The following TBCK variants were observed in gnomAD, a reference collection of about 807,000 sequenced individuals.
The protein encoded by TBCK is TBC domain-containing protein kinase-like protein.
TBCK carries 99 observed loss-of-function variants against 113.4 expected under a neutral mutation model. The observed-to-expected ratio is 0.87, with a 90% confidence interval of 0.74 to 1.03. The LOEUF (loss-of-function observed/expected upper bound fraction) is 1.03. TBCK is among the 50% of genes least tolerant of loss of function. The probability of loss-of-function intolerance (pLI) is 0.00; values close to 1 mark genes in which losing one functional copy is unlikely to be tolerated. For synonymous variants in TBCK, 369 were observed against 370.8 expected, an observed-to-expected ratio of 1.00 and a Z score of 0.05; for missense variants, 1,045 against 1,061.3, an observed-to-expected ratio of 0.98 and a Z score of 0.21.
At position 106,046,400 on chromosome 4, in the gene TBCK, T is replaced by C. The variant is rs1469667381; in HGVS notation, c.*170A>G. ...TACATGTAGAGTCAAGTTTCTTGCA[T>C]GGATAACTGAACATGTGGGTTATGA... is the stretch of plus-strand genomic sequence containing the variant. On this transcript the variant is annotated 3_prime_UTR_variant, in exon 26 of 26. Transcript: ENST00000394708. The C allele has an allele frequency of 4.1e-6, 2 of 488,082 alleles. No individual in the cohort carries two copies. Among genetic ancestry groups the C allele is most frequent in the African/African-American group, 4.0e-5 (2 of 49,970 alleles). 30.2% of individuals were successfully genotyped at this position (488,082 alleles called of 1,614,324 possible).
At chr4:106,153,195 C>G (rs989230383) in intron 23 of TBCK, among the ~76,000 whole-genome samples, 1 of 151,962 alleles carries the variant, frequency 6.6e-6, no homozygotes, top group Non-Finnish European at 1.5e-5. Context: ...GATGTAGGCA[C>G]TTATAGCTAT....
rs72891668 is a variant in TBCK at position 106,221,745 on chromosome 4, T to G, written c.1774+8618A>C. ...ATCTTGACTCTTTTTAAGGAGACATTAAAATATTGTTAAAGCTCTGTAATT... is the reference window on the plus strand; with the variant it reads ...ATCTTGACTCTTTTTAAGGAGACATGAAAATATTGTTAAAGCTCTGTAATT... On this transcript the variant is annotated intron_variant, in intron 19 of 25. Transcript: ENST00000394708. 2.6e-4 allele frequency among the ~76,000 whole-genome samples: 39 copies of G among 151,928 alleles called. No individual in the cohort carries two copies. In the East Asian group the frequency reaches 6.0e-3, roughly 23 times the overall value.
chr4:106,103,263 G>C (rs1467753431), intron 24 of TBCK, among the ~76,000 whole-genome samples: 4 of 152,210 alleles, frequency 2.6e-5, no homozygotes, highest in Non-Finnish European at 5.9e-5. Flanking sequence ...ACCACAGGTA[G>C]ATTTGTTCAG....
chr4:106,213,922 G>A (rs1306200948), intron 19 of TBCK, among the ~76,000 whole-genome samples: 15 of 152,272 alleles, frequency 9.9e-5, no homozygotes, highest in African/African-American at 3.6e-4. Context: ...GCAGGGCACA[G>A]ACAAACAAAA....
At chr4:106,309,702 T>C (rs1237359593) in intron 1 of TBCK, among the ~76,000 whole-genome samples, 1 of 152,226 alleles carries the variant, frequency 6.6e-6, no homozygotes, top group African/African-American at 2.4e-5. Flanking sequence ...GAAATATAGG[T>C]ACCAACTAGT....
At position 106,049,625 on chromosome 4, in the gene TBCK, G is replaced by A. The variant is rs1734592055; in HGVS notation, c.2572-2945C>T. Among the ~76,000 whole-genome samples the A allele has an allele frequency of 5.3e-5, 8 of 151,936 alleles. No individual in the cohort carries two copies. The South Asian group carries it at 1.5e-3, about 28-fold the overall frequency. On this transcript the variant is annotated intron_variant, in intron 25 of 25. Transcript: ENST00000394708. The stretch of plus-strand genomic sequence containing the variant: ...GGAGAACCAGGCATCTAGGGTATAG[G>A]GTTTCTTCCATCTTTCATTTTTCAT...
intron 20 of TBCK, among the ~76,000 whole-genome samples, chr4:106,205,988 T>A (rs1755457253): frequency 6.6e-6 from 1 of 152,146 alleles, no homozygotes; most frequent in Non-Finnish European, 1.5e-5. Flanking sequence ...ATATGTTACT[T>A]TGGTTAACAT....
chr4:106,242,008 A>G (rs545264498), intron 12 of TBCK, among the ~76,000 whole-genome samples: 3 of 152,202 alleles, frequency 2.0e-5, no homozygotes, highest in East Asian at 3.9e-4. Flanking sequence ...CATAGTTTCA[A>G]AAGTCCTCAA....
intron 22 of TBCK, among the ~76,000 whole-genome samples, chr4:106,172,661 T>C (rs1180220875): frequency 1.3e-5 from 2 of 152,064 alleles, no homozygotes; most frequent in East Asian, 3.9e-4. Flanking sequence ...GAAAAGGAAA[T>C]AGGCATTAAG....
chr4:106,303,901 A>G (rs72660524), intron 2 of TBCK, among the ~76,000 whole-genome samples: 10,370 of 152,162 alleles, frequency 0.068, 398 homozygotes, highest in Middle Eastern at 0.12. Flanking sequence ...CAGAGGGCCA[A>G]AAACTCCACC....
At chr4:106,056,061 GTCT>G (rs2149451952) in intron 25 of TBCK, among the ~76,000 whole-genome samples, 1 of 150,886 alleles carries the variant, frequency 6.6e-6, no homozygotes, top group Non-Finnish European at 1.5e-5. Context: ...TCTAGTAGAA[GTCT>G]TCTTTGAATT....
At position 106,251,912 on chromosome 4, in the gene TBCK, T is replaced by A. The variant is rs772602911; in HGVS notation, c.551A>T (p.Lys184Ile). ...GATTCCAAGAGACCATACATCTGAT[T>A]TGGGGCCAGAAGGCAATGGTTTTTT... The part of the protein sequence containing the change: ...PSKKPLPSGP[K>I]SDVWSLGIIL... Residue 184 changes from lysine (K) to isoleucine (I), a missense_variant, in exon 6 of 26, where the codon AAA (lysine) becomes ATA (isoleucine). Transcript: ENST00000394708. 8.1e-5 allele frequency: 131 copies of A among 1,611,354 alleles called. 2 individuals carry two copies. The South Asian group carries it at 1.1e-3, about 14-fold the overall frequency.
intron 9 of TBCK, chr4:106,247,663 T>C (rs1760989558): frequency 6.1e-6 from 1 of 164,676 alleles, no homozygotes; most frequent in African/African-American, 2.4e-5. Context: ...TGTCCTTTAA[T>C]GTGGTACATT....
chr4:106,072,779 G>A (rs1303312854), intron 25 of TBCK, among the ~76,000 whole-genome samples: 3 of 152,116 alleles, frequency 2.0e-5, no homozygotes, highest in Non-Finnish European at 1.5e-5. Flanking sequence ...ATATTTCTTG[G>A]AGGCTTTGTT....
At chr4:106,152,463 A>G (rs1321205569) in intron 23 of TBCK, among the ~76,000 whole-genome samples, 9 of 152,000 alleles carry the variant, frequency 5.9e-5, no homozygotes, top group African/African-American at 2.2e-4. Context: ...GATCTTTTCA[A>G]TGTGTTGTTA....
chr4:106,232,859 A>G (rs1183131370), intron 17 of TBCK, 79 bp downstream of exon 17: 5 of 1,378,084 alleles, frequency 3.6e-6, no homozygotes, highest in East Asian at 2.4e-5. Context: ...GGATGTTTAG[A>G]TATTTTAATT....
At chr4:106,301,221 A>G (rs982299742) in intron 2 of TBCK, among the ~76,000 whole-genome samples, 1 of 151,894 alleles carries the variant, frequency 6.6e-6, no homozygotes, top group Non-Finnish European at 1.5e-5. Context: ...AATACAGATT[A>G]AAATTTATAT....
At chr4:106,077,974 A>G (rs77421080) in intron 25 of TBCK, among the ~76,000 whole-genome samples, 1,939 of 152,318 alleles carry the variant, frequency 0.013, 21 homozygotes, top group South Asian at 0.024. Flanking sequence ...CAGCATAGTA[A>G]AAACAGCAAT....
At chr4:106,224,153 A>G (rs1024801842) in intron 19 of TBCK, among the ~76,000 whole-genome samples, 3 of 152,120 alleles carry the variant, frequency 2.0e-5, no homozygotes, top group African/African-American at 7.2e-5. Flanking sequence ...ACAAGTCAAT[A>G]GAACTAAGTT....
Sources: allele counts gnomAD v4.1 joint callset (sites outside exome capture counted in the v4.1 genomes callset), GRCh38; gene constraint gnomAD v4.1.1; transcripts MANE v1.5; gene names NCBI Gene and HGNC (gene_info 2026-07-23, HGNC 2026-07-21).